The following ADCY8 variants were observed in gnomAD, a reference collection of about 807,000 sequenced individuals.
The protein encoded by ADCY8 is adenylate cyclase 8, also known as adenylate cyclase type 8.
A neutral mutation model predicts 119.7 loss-of-function variants in ADCY8; 51 were observed. The ratio of observed to expected loss-of-function variants is 0.43; its 90% CI spans 0.34 to 0.54. The LOEUF is 0.54. Among genes scored for constraint, ADCY8 ranks in the 20% least tolerant of loss-of-function variants. ADCY8 has a pLI of 0.03. For missense variants in ADCY8, 1,383 were observed against 1,598.8 expected, an observed-to-expected ratio of 0.87 and a Z score of 2.30; for synonymous variants, 665 against 651.0, an observed-to-expected ratio of 1.02 and a Z score of -0.33.
At chr8:130,972,781 G>T (rs928405264) in intron 2 of ADCY8, among the ~76,000 whole-genome samples, 27 of 152,110 alleles carry the variant, frequency 1.8e-4, no homozygotes, top group Non-Finnish European at 3.5e-4. Flanking sequence ...ATTTTATTCT[G>T]GAGTATGACA....
chr8:130,834,588 T>C (rs966405187), intron 12 of ADCY8, among the ~76,000 whole-genome samples: 12 of 152,320 alleles, frequency 7.9e-5, no homozygotes, highest in African/African-American at 2.9e-4. Flanking sequence ...GCATTTTTTA[T>C]AATAGGGAAA....
intron 1 of ADCY8, among the ~76,000 whole-genome samples, chr8:131,013,356 A>C (rs975110893): frequency 1.3e-5 from 2 of 152,200 alleles, no homozygotes; most frequent in African/African-American, 4.8e-5. Flanking sequence ...GTGATCCTAC[A>C]GTGCCGTAGG....
chr8:131,034,907 G>A (rs1824103434), intron 1 of ADCY8, among the ~76,000 whole-genome samples: 1 of 152,144 alleles, frequency 6.6e-6, no homozygotes, highest in South Asian at 2.1e-4. Flanking sequence ...GTATGAGAAT[G>A]AGATGAGTTT....
intron 1 of ADCY8, among the ~76,000 whole-genome samples, chr8:130,996,274 C>A (rs1172465953): frequency 1.3e-5 from 2 of 152,070 alleles, no homozygotes; most frequent in East Asian, 3.9e-4. Context: ...AGATGATTTA[C>A]AGCTTTAATA....
intron 2 of ADCY8, among the ~76,000 whole-genome samples, chr8:130,971,418 T>C (rs967784209): frequency 2.0e-5 from 3 of 152,160 alleles, no homozygotes; most frequent in African/African-American, 7.2e-5. Flanking sequence ...GAACTTACAG[T>C]TCTGTGTTTT....
chr8:130,823,880 C>T (rs754361267), intron 12 of ADCY8, among the ~76,000 whole-genome samples: 10 of 152,248 alleles, frequency 6.6e-5, no homozygotes, highest in African/African-American at 2.2e-4. Context: ...CATACTGTTT[C>T]GTAAGCTACT....
In ADCY8 at chr8:130,814,090, T is replaced by A. The variant is rs2130170453; in HGVS notation, c.2892A>T (p.Leu964=). 1.2e-6 allele frequency: 2 copies of A among 1,614,132 alleles called. No individual in the cohort carries two copies. The highest frequency in any genetic ancestry group is 4.5e-5 in the East Asian group (2 of 44,882). The change falls in exon 14 of 18, where the codon CTA becomes CTT. Residue 964 remains leucine (L), a synonymous_variant. Coordinates refer to ENST00000286355, the MANE Select transcript of ADCY8 (RefSeq NM_001115.3). ...ILPSHVARHF[L]EKDRDNEELY... ...TCACCTCATTGTCTCGGTCCTTCTC[T>A]AGGAAATGGCGGGCCACATGGCTGG...
intron 7 of ADCY8, among the ~76,000 whole-genome samples, chr8:130,886,431 C>T (rs1019591728): frequency 1.3e-5 from 2 of 152,028 alleles, no homozygotes; most frequent in African/African-American, 2.4e-5. Context: ...AGGATACATG[C>T]GGGGCCAGAG....
At chr8:130,785,608 C>A in intron 15 of ADCY8, 133 bp from the exon 16 acceptor site, 1 of 559,760 alleles carries the variant, frequency 1.8e-6, no homozygotes, top group Non-Finnish European at 3.1e-6. Context: ...CTGCTTTTCT[C>A]TCTGAGAATC....
Position 130,813,641 on chromosome 8 carries a change from G to A in ADCY8, c.2913+428C>T, listed in dbSNP as rs568108407. Among the ~76,000 whole-genome samples, 7 of 152,128 alleles carry A rather than the reference G, an allele frequency of 4.6e-5. No homozygotes were observed. In the South Asian group the frequency reaches 1.5e-3, roughly 32 times the overall value. Reference sequence around the variant, plus strand: ...TTGTTTATCTATTCGTCCATCAGTGGACCCTTGGGGCTGCTTCAACTTTTT... The same window carrying A: ...TTGTTTATCTATTCGTCCATCAGTGAACCCTTGGGGCTGCTTCAACTTTTT... On this transcript the variant is annotated intron_variant, in intron 14 of 17. Transcript: ENST00000286355.
rs1392126353 is a variant in ADCY8 at position 130,839,095 on chromosome 8, C to A, written c.2503-2646G>T. On this transcript the variant is annotated intron_variant, in intron 11 of 17. Coordinates refer to ENST00000286355, the MANE Select transcript of ADCY8 (RefSeq NM_001115.3). ...GAACAAGGTGTCAGGAGGATTGATT[C>A]CTTAGGTCATATTAGAGAATCATAC... Among the ~76,000 whole-genome samples the A allele has an allele frequency of 2.9e-5, 4 of 138,998 alleles. No individual in the cohort carries two copies. The East Asian group carries it at 6.8e-4, about 23-fold the overall frequency. The allele number at this position is 138,998 out of a possible 152,430, so 91.2% of individuals were successfully genotyped here. A position where few individuals can be genotyped will look rare whatever the true frequency, so the allele number is the denominator to read the frequency against.
intron 1 of ADCY8, among the ~76,000 whole-genome samples, chr8:131,037,115 C>T (rs1824180297): frequency 6.6e-6 from 1 of 152,156 alleles, no homozygotes; most frequent in African/African-American, 2.4e-5. Context: ...CCTTTAAAAG[C>T]CCTTTCAGCA....
chr8:131,026,119 C>G (rs1480190802), intron 1 of ADCY8, among the ~76,000 whole-genome samples: 1 of 152,128 alleles, frequency 6.6e-6, no homozygotes, highest in Non-Finnish European at 1.5e-5. Context: ...TTGTGTCCCT[C>G]CAAAATACAC....
chr8:130,904,325 T>C (rs148805734), intron 6 of ADCY8, among the ~76,000 whole-genome samples: 1 of 152,024 alleles, frequency 6.6e-6, no homozygotes, highest in Non-Finnish European at 1.5e-5. Flanking sequence ...GCTTTTCTTA[T>C]GATTGTCAGC....
intron 9 of ADCY8, among the ~76,000 whole-genome samples, chr8:130,863,362 T>C (rs1818008120): frequency 6.6e-6 from 1 of 151,768 alleles, no homozygotes; most frequent in Non-Finnish European, 1.5e-5. Flanking sequence ...ATACCTATAG[T>C]GGGCTTCTTG....
Position 130,780,503 on chromosome 8 carries a change from T to G in ADCY8, c.3643A>C (p.Asn1215His). 6.2e-7 allele frequency: 1 copy of G among 1,614,132 alleles called. No individual in the cohort carries two copies. Among genetic ancestry groups the G allele is most frequent in the Non-Finnish European group, 8.5e-7 (1 of 1,180,018 alleles). Residue 1215 changes from asparagine to histidine, a missense_variant, in exon 18 of 18, where the codon AAC (asparagine) becomes CAC (histidine). Around this residue, in one of 2 missense-constraint regions of ADCY8, gnomAD observed 928 missense variants for 1,163.5 expected, o/e 0.80. Transcript: ENST00000286355. Reference protein sequence around the residue: ...RQRQKQLLNENNNTGIIKGHY... With the variant: ...RQRQKQLLNEHNNTGIIKGHY... ...CCCTTGATGATTCCTGTGTTGTTGT[T>G]CTCATTGAGTAGCTGCTTCTGCCTT... is the stretch of plus-strand genomic sequence containing the variant.
chr8:130,976,026 A>T (rs1165210965), intron 2 of ADCY8, among the ~76,000 whole-genome samples: 1 of 152,210 alleles, frequency 6.6e-6, no homozygotes, highest in African/African-American at 2.4e-5. Context: ...TGCTAAAAAA[A>T]ACCACCACCT....
chr8:131,014,828 T>A (rs1823419549), intron 1 of ADCY8, among the ~76,000 whole-genome samples: 1 of 152,242 alleles, frequency 6.6e-6, no homozygotes, highest in Non-Finnish European at 1.5e-5. Flanking sequence ...ATAATAGCAC[T>A]TAATACTATT....
At chr8:130,860,539 A>G (rs1017698878) in intron 9 of ADCY8, among the ~76,000 whole-genome samples, 4 of 152,320 alleles carry the variant, frequency 2.6e-5, no homozygotes, top group African/African-American at 2.4e-5. Flanking sequence ...GCATTTGGGT[A>G]TATAAACCAT....
Sources: allele counts gnomAD v4.1 joint callset (sites outside exome capture counted in the v4.1 genomes callset), GRCh38; gene constraint gnomAD v4.1.1; regional missense constraint gnomAD v4.1.1; transcripts MANE v1.5; gene names NCBI Gene and HGNC (gene_info 2026-07-23, HGNC 2026-07-21).